Variants in RBFOX1 observed in about 807,000 individuals in gnomAD.
The protein encoded by RBFOX1 is RNA binding protein fox-1 homolog 1.
RBFOX1 carries 8 observed loss-of-function variants against 57.7 expected under a neutral mutation model. That is an observed-to-expected ratio of 0.14 (90% CI 0.08 to 0.25). The LOEUF is 0.25. RBFOX1 is among the 10% of genes least tolerant of loss of function. RBFOX1 has a pLI of 1.00. For missense variants in RBFOX1, 611 were observed against 548.5 expected (o/e 1.11, Z -1.14); for synonymous variants, 326 against 222.4 (o/e 1.47, Z -4.15).
chr16:5,667,796 C>G (rs12927949), intron 3 of RBFOX1, among the ~76,000 whole-genome samples: 15,036 of 152,124 alleles, frequency 0.099, 961 homozygotes, highest in East Asian at 0.23. Flanking sequence ...ACTAAATAAC[C>G]CCTTTATCAT....
chr16:5,833,717 ATC>A (rs1002058051), intron 3 of RBFOX1, among the ~76,000 whole-genome samples: 4 of 152,106 alleles, frequency 2.6e-5, no homozygotes, highest in African/African-American at 9.7e-5. Context: ...ATGTTGGCAC[ATC>A]TCTCTCTTTT....
At chr16:7,021,109 G>C (rs986199067) in intron 3 of RBFOX1, among the ~76,000 whole-genome samples, 2 of 152,124 alleles carry the variant, frequency 1.3e-5, no homozygotes, top group African/African-American at 4.8e-5. Context: ...GCATGAGTGA[G>C]AGAGCAAGAC....
chr16:5,949,506 G>A (rs66874981), intron 4 of RBFOX1, among the ~76,000 whole-genome samples: 75,983 of 139,618 alleles, frequency 0.54, 21,915 homozygotes, highest in African/African-American at 0.75. Flanking sequence ...AGCCTGGGTG[G>A]CAGTGCGAGA....
intron 3 of RBFOX1, among the ~76,000 whole-genome samples, chr16:5,744,433 C>T (rs558320527): frequency 6.2e-4 from 95 of 152,264 alleles, no homozygotes; most frequent in Admixed American, 3.9e-3. Context: ...CCTTCTTTTC[C>T]GCTTCCAAAT....
At chr16:6,720,910 C>T (rs1284829391) in intron 3 of RBFOX1, among the ~76,000 whole-genome samples, 1 of 152,060 alleles carries the variant, frequency 6.6e-6, no homozygotes, top group Non-Finnish European at 1.5e-5. Context: ...ATGATGCTAC[C>T]ATGTTATTAA....
At chr16:5,743,186 C>A (rs191841105) in intron 3 of RBFOX1, among the ~76,000 whole-genome samples, 2 of 152,168 alleles carry the variant, frequency 1.3e-5, no homozygotes, top group South Asian at 4.1e-4. Context: ...TTTTCTATTT[C>A]TCTTTGTATG....
rs193288849 is a variant in RBFOX1, at chr16:7,631,153, A to G, written c.757+470A>G. On this transcript the variant is annotated intron_variant, in intron 11 of 15. Coordinates refer to ENST00000550418, the MANE Select transcript of RBFOX1 (RefSeq NM_018723.4). ...TTGCAAGGCTGTTCTGTCCTTTGCT[A>G]TGTAATTCCAATGAGGAGGAGGAGG... Among the ~76,000 whole-genome samples, 65 of 140,880 alleles carry G rather than the reference A, an allele frequency of 4.6e-4. No individual in the cohort carries two copies. In the East Asian group the frequency reaches 0.013, roughly 27 times the overall value. The allele number at this position is 140,880 out of a possible 152,430, so 92.4% of individuals were successfully genotyped here.
At chr16:7,410,910 T>C (rs950726802) in intron 4 of RBFOX1, among the ~76,000 whole-genome samples, 9 of 151,834 alleles carry the variant, frequency 5.9e-5, no homozygotes, top group Non-Finnish European at 1.0e-4. Flanking sequence ...GTTCCATCGA[T>C]CTACTCTTCA....
At chr16:6,975,915 C>G (rs1486131666) in intron 3 of RBFOX1, among the ~76,000 whole-genome samples, 2 of 152,032 alleles carry the variant, frequency 1.3e-5, no homozygotes, top group African/African-American at 4.8e-5. Context: ...CACTTGAGGT[C>G]AGGAGTTCCA....
chr16:7,432,505 A>G (rs1342507824), intron 4 of RBFOX1, among the ~76,000 whole-genome samples: 3 of 152,218 alleles, frequency 2.0e-5, no homozygotes, highest in Admixed American at 6.5e-5. Flanking sequence ...TCTTGTCTTA[A>G]CAACAGGTAT....
chr16:6,403,870 A>G (rs1323344944), intron 2 of RBFOX1, among the ~76,000 whole-genome samples: 4 of 152,132 alleles, frequency 2.6e-5, no homozygotes, highest in Admixed American at 6.6e-5. Flanking sequence ...CAATGAGATT[A>G]TAAGGGTGGG....
intron 4 of RBFOX1, among the ~76,000 whole-genome samples, chr16:7,323,290 G>T: frequency 6.6e-6 from 1 of 152,148 alleles, no homozygotes; most frequent in East Asian, 1.9e-4. Flanking sequence ...CAGACGTGCT[G>T]GTATGCACCT....
chr16:6,849,035 T>A (rs774829959), intron 3 of RBFOX1, among the ~76,000 whole-genome samples: 1 of 152,208 alleles, frequency 6.6e-6, no homozygotes, highest in Non-Finnish European at 1.5e-5. Flanking sequence ...CAGGCTTACG[T>A]GTCCCTGAAC....
rs35731542 is a variant in RBFOX1 at position 7,292,531 on chromosome 16, TAC to T, written c.28-225594_28-225593del. 1.2e-3 allele frequency among the ~76,000 whole-genome samples: 166 copies of T among 139,036 alleles called. 1 individual carries two copies. Among genetic ancestry groups the T allele is most frequent in the East Asian group, 3.5e-3 (17 of 4,856 alleles). The allele number at this position is 139,036 out of a possible 152,430, so 91.2% of individuals were successfully genotyped here. ...TAAAATATATATAATACTATATGTA[TAC>T]ACACACACACACACACACACAAATA... On this transcript the variant is annotated intron_variant, in intron 4 of 15. Transcript: ENST00000550418.
At chr16:5,901,825 GC>G (rs1422794513) in intron 4 of RBFOX1, among the ~76,000 whole-genome samples, 1 of 152,134 alleles carries the variant, frequency 6.6e-6, no homozygotes, top group Non-Finnish European at 1.5e-5. Flanking sequence ...TCCACCTAAT[GC>G]TTTTGCTTAT....
intron 3 of RBFOX1, among the ~76,000 whole-genome samples, chr16:6,657,298 T>C (rs1049503652): frequency 6.6e-6 from 1 of 152,194 alleles, no homozygotes. Context: ...TCTCTGTTTC[T>C]AACAATTGTT....
At chr16:6,941,460 C>G (rs959344198) in intron 3 of RBFOX1, among the ~76,000 whole-genome samples, 1 of 151,854 alleles carries the variant, frequency 6.6e-6, no homozygotes, top group African/African-American at 2.4e-5. Flanking sequence ...AGTCCTCTAA[C>G]ATACTGTAAA....
At chr16:6,292,963 C>G (rs2077626799) in intron 1 of RBFOX1, among the ~76,000 whole-genome samples, 3 of 152,180 alleles carry the variant, frequency 2.0e-5, no homozygotes, top group Non-Finnish European at 2.9e-5. Context: ...ATACCGTAGG[C>G]TAGGACATTG....
intron 3 of RBFOX1, among the ~76,000 whole-genome samples, chr16:6,824,893 G>T (rs911540363): frequency 6.6e-6 from 1 of 150,562 alleles, no homozygotes; most frequent in East Asian, 2.0e-4. Context: ...TGGTATTGTT[G>T]GGTTCCTGCC....
Sources: allele counts gnomAD v4.1 joint callset (sites outside exome capture counted in the v4.1 genomes callset), GRCh38; gene constraint gnomAD v4.1.1; transcripts MANE v1.5; gene names NCBI Gene and HGNC (gene_info 2026-07-23, HGNC 2026-07-21).